ZNF521: variants seen among roughly 807,000 people sequenced by gnomAD.
The protein encoded by ZNF521 is LYST-interacting protein 3.
In ZNF521, 14 loss-of-function variants were observed where a neutral mutation model predicts 105.5. That is an observed-to-expected ratio of 0.13 (90% confidence interval 0.09 to 0.21). The LOEUF is 0.21. ZNF521 is among the 10% of genes least tolerant of loss of function. ZNF521 has a pLI of 1.00. For synonymous variants in ZNF521, 635 were observed against 606.0 expected (o/e 1.05, Z -0.70); for missense variants, 1,233 against 1,629.7 (o/e 0.76, Z 4.19).
At chr18:25,289,223 C>T (rs529220185) in intron 3 of ZNF521, among the ~76,000 whole-genome samples, 4 of 152,242 alleles carry the variant, frequency 2.6e-5, no homozygotes, top group Admixed American at 2.0e-4. Flanking sequence ...AACTGGACTT[C>T]GGTTATGAAT....
intron 5 of ZNF521, among the ~76,000 whole-genome samples, chr18:25,176,695 C>A (rs757832694): frequency 3.3e-5 from 5 of 152,198 alleles, no homozygotes; most frequent in Admixed American, 6.5e-5. Flanking sequence ...CAACTGGCAG[C>A]GAAGCCTACA....
intron 5 of ZNF521, among the ~76,000 whole-genome samples, chr18:25,189,130 T>C (rs188353879): frequency 6.6e-6 from 1 of 152,206 alleles, no homozygotes; most frequent in African/African-American, 2.4e-5. Flanking sequence ...AGAATCACGA[T>C]GAGCTCTTAA....
At chr18:25,063,058 C>T (rs1395908970) in intron 7 of ZNF521, among the ~76,000 whole-genome samples, 1 of 152,158 alleles carries the variant, frequency 6.6e-6, no homozygotes, top group African/African-American at 2.4e-5. Context: ...CTGGCTGGCA[C>T]CTTGCCTTTT....
chr18:25,269,826 C>T (rs1379367078), intron 3 of ZNF521, among the ~76,000 whole-genome samples: 3 of 152,126 alleles, frequency 2.0e-5, no homozygotes, highest in Admixed American at 2.0e-4. Context: ...TAAATGCCCA[C>T]AAGACAAAGC....
At chr18:25,100,712 G>A (rs918629080) in intron 5 of ZNF521, among the ~76,000 whole-genome samples, 1 of 151,744 alleles carries the variant, frequency 6.6e-6, no homozygotes, top group South Asian at 2.1e-4. Flanking sequence ...CACAATAAAC[G>A]CAATAAGATT....
chr18:25,238,348 T>G (rs887603956), intron 3 of ZNF521, among the ~76,000 whole-genome samples: 46 of 152,194 alleles, frequency 3.0e-4, no homozygotes, highest in Admixed American at 2.9e-3. Context: ...GCCTAACAAC[T>G]CTACAAACCT....
chr18:25,107,207 C>A (rs938540294), intron 5 of ZNF521, among the ~76,000 whole-genome samples: 2 of 152,198 alleles, frequency 1.3e-5, no homozygotes, highest in African/African-American at 4.8e-5. Context: ...AGAAGTGAGA[C>A]TCAATCAAAA....
At chr18:25,139,840 T>C (rs937463042) in intron 5 of ZNF521, among the ~76,000 whole-genome samples, 1 of 152,160 alleles carries the variant, frequency 6.6e-6, no homozygotes, top group Non-Finnish European at 1.5e-5. Flanking sequence ...TAGGAGGTAT[T>C]AGGCCTTCAG....
chr18:25,232,113 A>G (rs1362786079), intron 3 of ZNF521, among the ~76,000 whole-genome samples: 1 of 152,212 alleles, frequency 6.6e-6, no homozygotes, highest in Non-Finnish European at 1.5e-5. Context: ...TTACTTTTCA[A>G]GTGAGGAGAA....
chr18:25,124,321 G>T (rs8086056), intron 5 of ZNF521, among the ~76,000 whole-genome samples: 142,042 of 152,112 alleles, frequency 0.93, 66,602 homozygotes, highest in Middle Eastern at 0.99. Flanking sequence ...ATACCTTTTA[G>T]TTTTAACAAC....
At chr18:25,191,153 C>G (rs1036897228) in intron 5 of ZNF521, among the ~76,000 whole-genome samples, 1 of 151,944 alleles carries the variant, frequency 6.6e-6, no homozygotes, top group African/African-American at 2.4e-5. Flanking sequence ...CACAATTTTG[C>G]CATTACAACA....
chr18:25,202,664 T>C (rs572659111), intron 4 of ZNF521: 1 of 152,278 alleles, frequency 6.6e-6, no homozygotes, highest in East Asian at 1.9e-4. Flanking sequence ...AAATGCAATA[T>C]ATATTTAAGA....
intron 3 of ZNF521, among the ~76,000 whole-genome samples, chr18:25,305,856 T>A (rs933114050): frequency 6.6e-6 from 1 of 152,210 alleles, no homozygotes; most frequent in African/African-American, 2.4e-5. Flanking sequence ...ATACTAACAC[T>A]AATAATAGAT....
intron 2 of ZNF521, among the ~76,000 whole-genome samples, 180 bp downstream of exon 2, chr18:25,350,727 C>T (rs376720301): frequency 6.6e-5 from 10 of 151,814 alleles, no homozygotes; most frequent in Non-Finnish European, 1.2e-4. Flanking sequence ...CGTCTCCCCC[C>T]ACCCCGACAC....
intron 3 of ZNF521, among the ~76,000 whole-genome samples, chr18:25,317,024 T>C (rs1254487234): frequency 6.6e-6 from 1 of 151,928 alleles, no homozygotes; most frequent in African/African-American, 2.4e-5. Context: ...CCTGCTAACT[T>C]TTTTGTATTT....
chr18:25,246,167 A>C (rs557680750), intron 3 of ZNF521, among the ~76,000 whole-genome samples: 1 of 152,314 alleles, frequency 6.6e-6, no homozygotes, highest in East Asian at 1.9e-4. Flanking sequence ...TGGCACATGT[A>C]TACATATGTA....
At chr18:25,297,124 T>TAC (rs71266974) in intron 3 of ZNF521, among the ~76,000 whole-genome samples, 10,598 of 149,638 alleles carry the variant, frequency 0.071, 466 homozygotes, top group Non-Finnish European at 0.088. Flanking sequence ...TGTCCCTTTA[T>TAC]ACACACACAC....
At chr18:25,090,237 G>T (rs1351297138) in intron 6 of ZNF521, among the ~76,000 whole-genome samples, 1 of 152,158 alleles carries the variant, frequency 6.6e-6, no homozygotes, top group East Asian at 1.9e-4. Context: ...ATATGCCAGA[G>T]GCAGTGTTTG....
intron 3 of ZNF521, among the ~76,000 whole-genome samples, chr18:25,261,830 C>T (rs568753933): frequency 6.6e-6 from 1 of 152,160 alleles, no homozygotes; most frequent in African/African-American, 2.4e-5. Context: ...TAAGCAATGC[C>T]CAGAGTTGCT....
Sources: gnomAD v4.1 joint callset for allele counts (sites outside exome capture counted in the v4.1 genomes callset) on GRCh38, gnomAD v4.1.1 for gene constraint, MANE v1.5 for transcripts, NCBI Gene and HGNC (gene_info 2026-07-23, HGNC 2026-07-21) for gene names.